Variants in ENDOD1 observed in about 807,000 individuals in gnomAD.
ENDOD1 encodes endonuclease domain-containing 1 protein.
ENDOD1 carries 9 observed loss-of-function variants against 6.5 expected under a neutral mutation model. The observed-to-expected ratio is 1.39, with a 90% CI of 0.84 to 2.43. The LOEUF is 2.43. Ranked by LOEUF, ENDOD1 falls within the 30% of genes most tolerant of loss-of-function variation. ENDOD1 has a pLI of 0.00. For missense variants in ENDOD1, 648 were observed against 635.5 expected (o/e 1.02, Z -0.21); for synonymous variants, 255 against 255.2 (o/e 1.00, Z 0.01).
In ENDOD1 at chr11:95,131,530, G is replaced by A. The variant is rs1859370877; in HGVS notation, c.*1951G>A. On this transcript the variant is annotated 3_prime_UTR_variant, in exon 2 of 2. Coordinates refer to ENST00000278505, the MANE Select transcript of ENDOD1 (RefSeq NM_015036.3). ...TGTTTGCACATGTCCCATCACACCT[G>A]AGATGTCAGACATGGGAAGTTCGTG... is the stretch of plus-strand genomic sequence containing the variant. 6.6e-6 allele frequency: 1 copy of A among 152,234 alleles called. No homozygotes were observed. Among genetic ancestry groups the A allele is most frequent in the Non-Finnish European group, 1.5e-5 (1 of 68,050 alleles). The allele number at this position is 152,234 out of a possible 1,614,324, so 9.4% of individuals were successfully genotyped here. A position where few individuals can be genotyped will look rare whatever the true frequency, so the allele number is the denominator to read the frequency against.
At chr11:95,101,399 A>C (rs558723799) in intron 1 of ENDOD1, among the ~76,000 whole-genome samples, 2 of 152,248 alleles carry the variant, frequency 1.3e-5, no homozygotes, top group South Asian at 4.1e-4. Context: ...TGGCAGTAAA[A>C]TGTGCGAACT....
At position 95,090,014 on chromosome 11, in the gene ENDOD1, CG is replaced by C. The variant is rs781873742; in HGVS notation, c.89del (p.Gly30AlafsTer24). ...GCCGGCTCGTGGGCGAGGAGGAAGC[CG>C]GCTTTGGCGAATGTGACAAGTTCTT... ...EGRLVGEEEA[G>X]FGECDKFFYA... is the part of the protein sequence containing the mutation. On this transcript the variant is annotated frameshift_variant, in exon 1 of 2. Transcript: ENST00000278505. LOFTEE classifies it high-confidence loss of function. 1 of 1,581,394 alleles carries C rather than the reference CG, an allele frequency of 6.3e-7. No individual in the cohort carries two copies.
rs1415476770 is a variant in ENDOD1 at position 95,089,874 on chromosome 11, G to A, written c.-54G>A. The A allele has an allele frequency of 1.6e-6, 2 of 1,285,952 alleles. No individual in the cohort carries two copies. Among genetic ancestry groups the A allele is most frequent in the Admixed American group, 8.6e-5 (2 of 23,330 alleles). The allele number at this position is 1,285,952 out of a possible 1,614,324, so 79.7% of individuals were successfully genotyped here. ...GTGCGCTCCCCGCCCAGCCTGCAGA[G>A]CTCGCGCCGCGGCAGCCCAGCCGCT... On this transcript the variant is annotated 5_prime_UTR_variant, in exon 1 of 2. Coordinates refer to ENST00000278505, the MANE Select transcript of ENDOD1 (RefSeq NM_015036.3).
intron 1 of ENDOD1, among the ~76,000 whole-genome samples, chr11:95,114,176 G>T (rs1343189412): frequency 6.6e-6 from 1 of 152,132 alleles, no homozygotes; most frequent in African/African-American, 2.4e-5. Context: ...TGATGCCCAG[G>T]CACAATCTTG....
intron 1 of ENDOD1, among the ~76,000 whole-genome samples, chr11:95,102,533 G>A (rs1227124177): frequency 2.6e-5 from 4 of 151,942 alleles, no homozygotes; most frequent in Non-Finnish European, 4.4e-5. Context: ...TTAGCTGGGC[G>A]TGGTGGCACA....
At chr11:95,123,121 G>T (rs920315129) in intron 1 of ENDOD1, among the ~76,000 whole-genome samples, 41 of 151,784 alleles carry the variant, frequency 2.7e-4, no homozygotes, top group Non-Finnish European at 1.5e-4. Flanking sequence ...CCCGGTAGGC[G>T]GAGGTTGCAG....
At chr11:95,127,867 C>G (rs1385694405) in intron 1 of ENDOD1, among the ~76,000 whole-genome samples, 1 of 152,180 alleles carries the variant, frequency 6.6e-6, no homozygotes, top group South Asian at 2.1e-4. Flanking sequence ...TCAAGTGATT[C>G]TCCTGCCTCA....
rs1457062761 is a variant in ENDOD1, at chr11:95,128,539, G to T, written c.463G>T (p.Val155Leu). The T allele has an allele frequency of 6.2e-7, 1 of 1,614,070 alleles. No homozygotes were observed. Among genetic ancestry groups the T allele is most frequent in the Non-Finnish European group, 8.5e-7 (1 of 1,180,040 alleles). The change falls in exon 2 of 2, where the codon GTG becomes TTG. Residue 155 changes from valine (V) to leucine (L), a missense_variant. Transcript: ENST00000278505. ...YPFSLSSDVQ[V>L]ATFTLTNSAP... ...ATTCTCCCTTAGCAGTGATGTCCAGGTGGCCACATTTACTCTCACAAATTC... is the reference window on the plus strand; with the variant it reads ...ATTCTCCCTTAGCAGTGATGTCCAGTTGGCCACATTTACTCTCACAAATTC...
chr11:95,114,546 C>T (rs1382263676), intron 1 of ENDOD1, among the ~76,000 whole-genome samples: 7 of 152,150 alleles, frequency 4.6e-5, no homozygotes, highest in African/African-American at 1.2e-4. Context: ...CCTGTACTTA[C>T]GGGATATTAC....
At chr11:95,119,404 T>C (rs1859241289) in intron 1 of ENDOD1, among the ~76,000 whole-genome samples, 1 of 152,260 alleles carries the variant, frequency 6.6e-6, no homozygotes, top group Admixed American at 6.5e-5. Flanking sequence ...ACTGTGGTTC[T>C]TGCAGACTCA....
intron 1 of ENDOD1, among the ~76,000 whole-genome samples, chr11:95,110,912 A>G (rs1346808330): frequency 6.6e-6 from 1 of 151,674 alleles, no homozygotes; most frequent in Admixed American, 6.6e-5. Flanking sequence ...AGTTAAAGGA[A>G]CTCCCTTGTC....
chr11:95,115,621 T>C (rs558428375), intron 1 of ENDOD1, among the ~76,000 whole-genome samples: 1 of 152,278 alleles, frequency 6.6e-6, no homozygotes, highest in Admixed American at 6.5e-5. Flanking sequence ...TTCAGTATGA[T>C]ACTAGTTGTG....
In ENDOD1 at chr11:95,105,961, C is replaced by T. The variant is rs539378699; in HGVS notation, c.300+15734C>T. On this transcript the variant is annotated intron_variant, in intron 1 of 1. Transcript: ENST00000278505. ...GTAAGGGTAGGAGCCTGGTGAGAGCCGTGTCTGTACAAAAATTCAGCCAGA... is the reference window on the plus strand; with the variant it reads ...GTAAGGGTAGGAGCCTGGTGAGAGCTGTGTCTGTACAAAAATTCAGCCAGA... Among the ~76,000 whole-genome samples the T allele has an allele frequency of 7.2e-5, 11 of 152,154 alleles. No homozygotes were observed. The South Asian group carries it at 2.1e-3, about 29-fold the overall frequency.
Position 95,090,155 on chromosome 11 carries a change from C to G in ENDOD1, c.228C>G (p.Pro76=), listed in dbSNP as rs941470625. ...ATLYSTRDRI[P]VYSAFRAPRP... Reference sequence around the variant, plus strand: ...TCTACAGCACCCGGGACCGCATCCCCGTGTACTCCGCGTTCCGCGCCCCGC... The same window carrying G: ...TCTACAGCACCCGGGACCGCATCCCGGTGTACTCCGCGTTCCGCGCCCCGC... Residue 76 remains proline, a synonymous_variant, in exon 1 of 2, where the codon CCC becomes CCG. Coordinates refer to ENST00000278505, the MANE Select transcript of ENDOD1 (RefSeq NM_015036.3). 2 of 1,477,718 alleles carry G rather than the reference C, an allele frequency of 1.4e-6. No individual in the cohort carries two copies. The highest frequency in any genetic ancestry group is 1.8e-6 in the Non-Finnish European group (2 of 1,103,850). 91.5% of individuals were successfully genotyped at this position (1,477,718 alleles called of 1,614,324 possible). A position where few individuals can be genotyped will look rare whatever the true frequency, so the allele number is the denominator to read the frequency against.
At chr11:95,119,943 T>A (rs1176758611) in intron 1 of ENDOD1, among the ~76,000 whole-genome samples, 1 of 152,250 alleles carries the variant, frequency 6.6e-6, no homozygotes, top group Non-Finnish European at 1.5e-5. Context: ...CCCTGTGGGC[T>A]CTGACACTGC....
chr11:95,107,624 G>A (rs1345889715), intron 1 of ENDOD1, among the ~76,000 whole-genome samples: 2 of 152,050 alleles, frequency 1.3e-5, no homozygotes, highest in Non-Finnish European at 2.9e-5. Context: ...ACCTGAGAAG[G>A]TACTGCAGTC....
intron 1 of ENDOD1, among the ~76,000 whole-genome samples, chr11:95,114,464 TATTA>T (rs563546268): frequency 4.7e-4 from 72 of 152,372 alleles, no homozygotes; most frequent in African/African-American, 1.7e-3. Context: ...CTCTTCACTT[TATTA>T]ATTGTTTCTT....
chr11:95,108,454 G>A (rs1218354029), intron 1 of ENDOD1, among the ~76,000 whole-genome samples: 9 of 148,484 alleles, frequency 6.1e-5, no homozygotes, highest in Admixed American at 2.0e-4. Context: ...CTGCTAAAAG[G>A]CCTTTCAGGA....
chr11:95,123,046 A>G (rs189915423), intron 1 of ENDOD1, among the ~76,000 whole-genome samples: 5,303 of 152,042 alleles, frequency 0.035, 133 homozygotes, highest in Non-Finnish European at 0.051. Context: ...AAAATTAGCC[A>G]GGTGTGGTGG....
Sources: gnomAD v4.1 joint callset for allele counts (sites outside exome capture counted in the v4.1 genomes callset) on GRCh38, gnomAD v4.1.1 for gene constraint, MANE v1.5 for transcripts, NCBI Gene and HGNC (gene_info 2026-07-23, HGNC 2026-07-21) for gene names.